The following CDK17 variants were observed in gnomAD, a reference collection of about 807,000 sequenced individuals.
The protein encoded by CDK17 is cyclin-dependent kinase 17.
CDK17 carries 24 observed loss-of-function variants against 77.6 expected under a neutral mutation model. That is an observed-to-expected ratio of 0.31 (90% CI 0.22 to 0.44). The LOEUF is 0.44. Ranked by LOEUF, CDK17 falls within the 20% of genes least tolerant of loss-of-function variation. CDK17 has a pLI of 1.00. For synonymous variants in CDK17, 203 were observed against 210.4 expected (o/e 0.96, Z 0.30); for missense variants, 429 against 622.5 (o/e 0.69, Z 3.31).
chr12:96,313,303 T>C lies in CDK17; in HGVS notation c.417+18A>G, dbSNP rs1435139822. The C allele has an allele frequency of 1.9e-6, 3 of 1,560,818 alleles. No individual in the cohort carries two copies. Among genetic ancestry groups the C allele is most frequent in the African/African-American group, 1.4e-5 (1 of 72,042 alleles). ...ACACACATATTCACAAGTATATTTG[T>C]ATTTTTTAAATGATTACCTCCATTG... On this transcript the variant is annotated intron_variant, in intron 4 of 16. Transcript: ENST00000261211.
chr12:96,316,149 G>A (rs563732184), intron 3 of CDK17, among the ~76,000 whole-genome samples: 48 of 152,280 alleles, frequency 3.2e-4, no homozygotes, highest in Non-Finnish European at 6.3e-4. Context: ...CCTGGGAAGC[G>A]CAAGGGGTCA....
intron 2 of CDK17, among the ~76,000 whole-genome samples, chr12:96,330,993 C>G (rs774661807): frequency 1.3e-5 from 2 of 152,184 alleles, no homozygotes; most frequent in Non-Finnish European, 2.9e-5. Context: ...GTTACCCAGG[C>G]TGGAATGCAG....
At chr12:96,374,951 C>T (rs1210353157) in intron 1 of CDK17, among the ~76,000 whole-genome samples, 1 of 152,206 alleles carries the variant, frequency 6.6e-6, no homozygotes, top group Non-Finnish European at 1.5e-5. Context: ...CTCAGCACTG[C>T]TGAACAGTCA....
Position 96,400,428 on chromosome 12 carries a change from C to T in CDK17, c.-472G>A. On this transcript the variant is annotated 5_prime_UTR_variant, in exon 1 of 17. Transcript: ENST00000261211. ...GCGTGTGCGTCGCTTTCACACTCGG[C>T]GGCTGCGGATTGACGCCTCCGCCTG... 5.3e-6 allele frequency: 2 copies of T among 380,124 alleles called. No homozygotes were observed. Among genetic ancestry groups the T allele is most frequent in the Non-Finnish European group, 9.3e-6 (2 of 214,758 alleles). The allele number at this position is 380,124 out of a possible 1,614,324, so 23.5% of individuals were successfully genotyped here.
In CDK17 at chr12:96,317,602, G is replaced by A. The variant is rs1351306631; in HGVS notation, c.284-4148C>T. 3.4e-3 allele frequency among the ~76,000 whole-genome samples: 424 copies of A among 125,388 alleles called. 1 individual carries two copies. Among genetic ancestry groups the A allele is most frequent in the Non-Finnish European group, 5.1e-3 (296 of 58,096 alleles). 82.3% of individuals were successfully genotyped at this position (125,388 alleles called of 152,430 possible). On this transcript the variant is annotated intron_variant, in intron 3 of 16. Coordinates refer to ENST00000261211, the MANE Select transcript of CDK17 (RefSeq NM_002595.5). Reference sequence around the variant, plus strand: ...CCATCAGACTAACAGTGGATCTCTCGGCAGAAACCCTACAAGCCAGAAGAG... The same window carrying A: ...CCATCAGACTAACAGTGGATCTCTCAGCAGAAACCCTACAAGCCAGAAGAG...
intron 1 of CDK17, among the ~76,000 whole-genome samples, chr12:96,382,853 T>C (rs758881416): frequency 1.2e-4 from 19 of 152,026 alleles, no homozygotes; most frequent in Non-Finnish European, 2.6e-4. Flanking sequence ...CCTTGAGAAC[T>C]GGAACAAGAC....
intron 1 of CDK17, among the ~76,000 whole-genome samples, chr12:96,361,928 T>C (rs73235109): frequency 0.035 from 5,370 of 152,356 alleles, 131 homozygotes; most frequent in Non-Finnish European, 0.053. Context: ...CTTTCAAATA[T>C]AAATAGCTTT....
intron 3 of CDK17, among the ~76,000 whole-genome samples, chr12:96,323,460 C>CA (rs952326997): frequency 4.1e-5 from 6 of 148,062 alleles, no homozygotes; most frequent in African/African-American, 7.5e-5. Flanking sequence ...GACACTGTCT[C>CA]AAAAAAAATA....
chr12:96,399,568 G>GCGCCTCCAGCTCCACCCC (rs1332203234), intron 1 of CDK17, among the ~76,000 whole-genome samples: 1 of 151,324 alleles, frequency 6.6e-6, no homozygotes, highest in Non-Finnish European at 1.5e-5. Context: ...AGCGTCGCCT[G>GCGCCTCCAGCTCCACCCC]CGCCTCCAGC....
At chr12:96,335,856 G>A (rs1470877446) in intron 1 of CDK17, among the ~76,000 whole-genome samples, 2 of 152,068 alleles carry the variant, frequency 1.3e-5, no homozygotes, top group African/African-American at 2.4e-5. Context: ...TTTCTATGAT[G>A]AGCTGGCTTA....
intron 1 of CDK17, among the ~76,000 whole-genome samples, chr12:96,395,948 A>T (rs1954161095): frequency 1.3e-5 from 2 of 152,200 alleles, no homozygotes; most frequent in Non-Finnish European, 2.9e-5. Context: ...GTTTTAAGCC[A>T]CCTCAATGTA....
chr12:96,375,057 C>T (rs1234044831), intron 1 of CDK17, among the ~76,000 whole-genome samples: 1 of 152,150 alleles, frequency 6.6e-6, no homozygotes, highest in African/African-American at 2.4e-5. Context: ...TCCTACTCTC[C>T]CCAATGTCTA....
Position 96,295,061 on chromosome 12 carries a change from C to T in CDK17, c.935G>A (p.Arg312Gln), listed in dbSNP as rs774240202. ...AYCHRRKVLH[R>Q]DLKPQNLLIN... The stretch of plus-strand genomic sequence containing the variant: ...GAGGAGGTTCTGTGGTTTCAAGTCT[C>T]GATGCAATACCTTTCTTCTATGGCA... Residue 312 changes from arginine to glutamine, a missense_variant, in exon 10 of 17, where the codon CGA becomes CAA. Transcript: ENST00000261211. The T allele has an allele frequency of 6.2e-7, 1 of 1,611,960 alleles. No homozygotes were observed. Among genetic ancestry groups the T allele is most frequent in the Non-Finnish European group, 8.5e-7 (1 of 1,178,416 alleles).
intron 1 of CDK17, among the ~76,000 whole-genome samples, chr12:96,348,478 C>T (rs1171581149): frequency 7.4e-6 from 1 of 135,542 alleles, no homozygotes; most frequent in African/African-American, 2.8e-5. Context: ...GAGCCGAGGT[C>T]GTGCCACTGC....
chr12:96,351,092 T>G (rs148045854), intron 1 of CDK17, among the ~76,000 whole-genome samples: 1 of 152,210 alleles, frequency 6.6e-6, no homozygotes, highest in African/African-American at 2.4e-5. Flanking sequence ...ATGCTCAACA[T>G]TATTACTCAT....
At chr12:96,397,545 A>G (rs951726648) in intron 1 of CDK17, among the ~76,000 whole-genome samples, 29 of 152,212 alleles carry the variant, frequency 1.9e-4, no homozygotes, top group African/African-American at 7.0e-4. Flanking sequence ...TAGTACAGCA[A>G]TAGGCAAATT....
intron 2 of CDK17, among the ~76,000 whole-genome samples, chr12:96,325,082 C>T (rs766043940): frequency 1.3e-5 from 2 of 152,192 alleles, no homozygotes; most frequent in South Asian, 2.1e-4. Context: ...AATCTCTTGA[C>T]TCCTTTCCAC....
At position 96,286,528 on chromosome 12, in the gene CDK17, A is replaced by T. The variant is rs1952248566; in HGVS notation, c.1216+136T>A. ...AGAAGGATCTATCTTCATAGTGTCC[A>T]TTCTAATTATTCTAACTAACAGCTG... On this transcript the variant is annotated intron_variant, in intron 12 of 16. Transcript: ENST00000261211. The T allele has an allele frequency of 1.5e-5, 9 of 594,720 alleles. No individual in the cohort carries two copies. In the South Asian group the frequency reaches 2.1e-4, roughly 14 times the overall value. 36.8% of individuals were successfully genotyped at this position (594,720 alleles called of 1,614,324 possible). A position where few individuals can be genotyped will look rare whatever the true frequency, so the allele number is the denominator to read the frequency against.
chr12:96,368,445 A>G (rs971449465), intron 1 of CDK17, among the ~76,000 whole-genome samples: 1 of 152,110 alleles, frequency 6.6e-6, no homozygotes, highest in Non-Finnish European at 1.5e-5. Context: ...AGCAATCATG[A>G]CCAGATCAAT....
Sources: allele counts gnomAD v4.1 joint callset (sites outside exome capture counted in the v4.1 genomes callset), GRCh38; gene constraint gnomAD v4.1.1; transcripts MANE v1.5; gene names NCBI Gene and HGNC (gene_info 2026-07-23, HGNC 2026-07-21).